EXOC7: variants seen among roughly 807,000 people sequenced by gnomAD.
EXOC7 encodes the protein exocyst complex component Exo70.
In EXOC7, 51 loss-of-function variants were observed where a neutral mutation model predicts 87.6. The ratio of observed to expected loss-of-function variants is 0.58; its 90% CI spans 0.46 to 0.73. EXOC7 has a LOEUF of 0.73. Ranked by LOEUF, EXOC7 falls within the 30% of genes least tolerant of loss-of-function variation. The pLI is 0.00. For synonymous variants in EXOC7, 327 were observed against 357.1 expected (o/e 0.92, Z 0.95); for missense variants, 744 against 888.4 (o/e 0.84, Z 2.07).
rs375241720 is a variant in EXOC7, at chr17:76,091,842, C to T, written c.809-607G>A. ...ACCAGAGTTCCCCAAACCACCAAAG[C>T]GACAAGAAAAAATCCAAAAGTCAAG... On this transcript the variant is annotated intron_variant, in intron 6 of 18. Coordinates refer to ENST00000589210, the MANE Select transcript of EXOC7 (RefSeq NM_001013839.4). Among the ~76,000 whole-genome samples, 294 of 152,180 alleles carry T rather than the reference C, an allele frequency of 1.9e-3. 5 individuals are homozygous for T. Among genetic ancestry groups the T allele is most frequent in the African/African-American group, 7.0e-3 (289 of 41,514 alleles).
Position 76,089,277 on chromosome 17 carries a change from G to A in EXOC7, c.945C>T (p.His315=), listed in dbSNP as rs1263810183. 6.2e-7 allele frequency: 1 copy of A among 1,614,028 alleles called. No homozygotes were observed. The highest frequency in any genetic ancestry group is 8.5e-7 in the Non-Finnish European group (1 of 1,180,008). Residue 315 remains histidine (H), a synonymous_variant, in exon 8 of 19, where the codon CAC becomes CAT. Coordinates refer to ENST00000589210, the MANE Select transcript of EXOC7 (RefSeq NM_001013839.4). ...CCAGCTTGACGAAGGCACTGACGCA[G>A]TGGATGTAGGCATCGGTCTCCACGT... is the stretch of plus-strand genomic sequence containing the variant. ...MLDVETDAYI[H]CVSAFVKLAQ... is the part of the protein sequence containing the mutation.
At chr17:76,094,361 C>A (rs2144660565) in intron 6 of EXOC7, 53 bp downstream of exon 6, 3 of 1,566,554 alleles carry the variant, frequency 1.9e-6, no homozygotes, top group South Asian at 1.2e-5. Flanking sequence ...TAAAGCAGTA[C>A]AGTCCCAGTC....
At chr17:76,102,987 T>C (rs2068147518) in intron 2 of EXOC7, 1 of 206,072 alleles carries the variant, frequency 4.9e-6, no homozygotes, top group Non-Finnish European at 1.0e-5. Flanking sequence ...GGCTGAGTCT[T>C]CTCTGCCCTC....
chr17:76,084,407 A>C (rs937663526), intron 16 of EXOC7, 110 bp downstream of exon 16: 1 of 1,560,366 alleles, frequency 6.4e-7, no homozygotes, highest in Non-Finnish European at 8.8e-7. Context: ...GGCCACATGC[A>C]TCCTTTGCTC....
At chr17:76,101,220 G>A (rs758015527) in intron 4 of EXOC7, 51 bp downstream of exon 4, 1 of 1,613,926 alleles carries the variant, frequency 6.2e-7, no homozygotes, top group Non-Finnish European at 8.5e-7. Flanking sequence ...ATGAGACCAG[G>A]GCAGAGACTG....
rs1258215863 is a variant in EXOC7 at position 76,084,934 on chromosome 17, G to A, written c.1713-354C>T. 2.6e-5 allele frequency among the ~76,000 whole-genome samples: 4 copies of A among 152,174 alleles called. No homozygotes were observed. In the East Asian group the frequency reaches 7.7e-4, roughly 29 times the overall value. ...GACACATTCAAAGGGAAGAAACAAA[G>A]CCAGGAAGAAAGAGGACCAGAGAAG... On this transcript the variant is annotated intron_variant, in intron 15 of 18. Transcript: ENST00000589210.
intron 3 of EXOC7, 145 bp downstream of exon 3, chr17:76,101,534 T>C (rs2068061913): frequency 3.7e-6 from 5 of 1,341,704 alleles, no homozygotes; most frequent in Non-Finnish European, 5.1e-6. Flanking sequence ...AAAAGGCGTC[T>C]CACTGTGTTG....
chr17:76,083,633 G>C lies in EXOC7; in HGVS notation c.*15C>G. On this transcript the variant is annotated 3_prime_UTR_variant, in exon 19 of 19. Transcript: ENST00000589210. ...CACGCCAGTCTGGTGGAACCAGGCA[G>C]GGCTAGCAGCAGGCTCAGGCAGAGG... The C allele has an allele frequency of 6.2e-7, 1 of 1,612,842 alleles. No homozygotes were observed. The highest frequency in any genetic ancestry group is 8.5e-7 in the Non-Finnish European group (1 of 1,179,042).
In EXOC7 at chr17:76,084,157, G is replaced by C. The variant is rs374492490; in HGVS notation, c.1819-18C>G. 20 of 1,592,802 alleles carry C rather than the reference G, an allele frequency of 1.3e-5. No individual in the cohort carries two copies. The African/African-American group carries it at 2.6e-4, about 20-fold the overall frequency. ...TTGAAGCCCTGGCCACCAAAAAGGT[G>C]AAAAAGGAAGGCACCCAGAGACAAA... On this transcript the variant is annotated intron_variant, in intron 17 of 18. Transcript: ENST00000589210.
rs2067017712 is a variant in EXOC7 at position 76,082,346 on chromosome 17, T to A, written c.*1302A>T. 8.6e-7 allele frequency: 1 copy of A among 1,157,612 alleles called. No homozygotes were observed. The highest frequency in any genetic ancestry group is 1.6e-5 in the African/African-American group (1 of 64,400). The allele number at this position is 1,157,612 out of a possible 1,614,324, so 71.7% of individuals were successfully genotyped here. Reference sequence around the variant, plus strand: ...GAAATGGGCCAGACCCAAATTTTCATCAGCTGAGAATCTAAGAAAGGAAGC... The same window carrying A: ...GAAATGGGCCAGACCCAAATTTTCAACAGCTGAGAATCTAAGAAAGGAAGC... On this transcript the variant is annotated 3_prime_UTR_variant, in exon 19 of 19. Transcript: ENST00000589210.
chr17:76,082,763 A>G lies in EXOC7; in HGVS notation c.*885T>C. On this transcript the variant is annotated 3_prime_UTR_variant, in exon 19 of 19. Coordinates refer to ENST00000589210, the MANE Select transcript of EXOC7 (RefSeq NM_001013839.4). ...AGCCACCCTGAGCTCTCCCTCCGCT[A>G]GCACACAAGCACAGAGCGTGAAATA... 1 of 1,033,280 alleles carries G rather than the reference A, an allele frequency of 9.7e-7. No individual in the cohort carries two copies. Among genetic ancestry groups the G allele is most frequent in the Non-Finnish European group, 1.4e-6 (1 of 737,912 alleles). The allele number at this position is 1,033,280 out of a possible 1,614,324, so 64.0% of individuals were successfully genotyped here.
chr17:76,097,397 G>A (rs2067814779), intron 5 of EXOC7, among the ~76,000 whole-genome samples: 1 of 152,006 alleles, frequency 6.6e-6, no homozygotes, highest in Non-Finnish European at 1.5e-5. Context: ...AAAAAACCAT[G>A]ACAGGTGGAT....
In EXOC7 at chr17:76,082,008, A is replaced by G. The variant is rs754846592; in HGVS notation, c.*1640T>C. On this transcript the variant is annotated 3_prime_UTR_variant, in exon 19 of 19. Coordinates refer to ENST00000589210, the MANE Select transcript of EXOC7 (RefSeq NM_001013839.4). ...GGCCCCAGCCCAGCCCCGAGAGGGG[A>G]ACAGCGAGAGCACGGCAACCCAGGG... 6.2e-7 allele frequency: 1 copy of G among 1,611,346 alleles called. No homozygotes were observed. Among genetic ancestry groups the G allele is most frequent in the Non-Finnish European group, 8.5e-7 (1 of 1,179,472 alleles).
In EXOC7 at chr17:76,098,207, G is replaced by C. The variant is rs571343284; in HGVS notation, c.418-189C>G. The C allele has an allele frequency of 1.0e-4, 58 of 561,010 alleles. No individual in the cohort carries two copies. The East Asian group carries it at 1.7e-3, about 17-fold the overall frequency. 34.8% of individuals were successfully genotyped at this position (561,010 alleles called of 1,614,324 possible). On this transcript the variant is annotated intron_variant, in intron 4 of 18. Transcript: ENST00000589210. Reference sequence around the variant, plus strand: ...GCTGGAGTGCAGTGACACAATCTTGGCTCACTGCAACCTCCGACTTCCTGG... The same window carrying C: ...GCTGGAGTGCAGTGACACAATCTTGCCTCACTGCAACCTCCGACTTCCTGG...
At chr17:76,087,628 G>C (rs1225407882) in intron 12 of EXOC7, 26 bp downstream of exon 12, 1 of 1,548,938 alleles carries the variant, frequency 6.5e-7, no homozygotes, top group Non-Finnish European at 8.7e-7. Flanking sequence ...AGTGGGGCAG[G>C]GGGCCCAACT....
In EXOC7 at chr17:76,103,363, T is replaced by A. The variant is rs776365753; in HGVS notation, c.124A>T (p.Met42Leu). Residue 42 changes from methionine to leucine, a missense_variant and splice_region_variant, in exon 2 of 19, where the codon ATG becomes TTG. Transcript: ENST00000589210. ...LEKSDQLTKN[M>L]VSILSSFESR... Reference sequence around the variant, plus strand: ...CCCCCAGCTGCGGGGAGACTCACCATGTTCTTAGTGAGCTGGTCGCTCTTC... The same window carrying A: ...CCCCCAGCTGCGGGGAGACTCACCAAGTTCTTAGTGAGCTGGTCGCTCTTC... 10 of 1,599,550 alleles carry A rather than the reference T, an allele frequency of 6.3e-6. No individual in the cohort carries two copies. In the Admixed American group the frequency reaches 1.5e-4, roughly 25 times the overall value.
chr17:76,090,438 C>T, intron 7 of EXOC7: 6 of 1,551,668 alleles, frequency 3.9e-6, no homozygotes, highest in Non-Finnish European at 4.4e-6. Flanking sequence ...CAGCGTTTAT[C>T]CAGGGGCCAG....
rs527342775 is a variant in EXOC7 at position 76,090,993 on chromosome 17, TG to T, written c.901+149del. ...GCTGCGAAACTGTCCCTGTGCCCGC[TG>T]AAGCCCGAGTGGCATCGGGGACCTG... On this transcript the variant is annotated intron_variant, in intron 7 of 18. Transcript: ENST00000589210. The T allele has an allele frequency of 7.4e-3, 5,292 of 711,434 alleles. 29 individuals are homozygous for T. The highest frequency in any genetic ancestry group is 9.4e-3 in the Non-Finnish European group (3,691 of 394,642). 44.1% of individuals were successfully genotyped at this position (711,434 alleles called of 1,614,324 possible). A position where few individuals can be genotyped will look rare whatever the true frequency, so the allele number is the denominator to read the frequency against.
chr17:76,100,889 G>A (rs569347596), intron 4 of EXOC7: 1 of 153,560 alleles, frequency 6.5e-6, no homozygotes, highest in South Asian at 2.1e-4. Context: ...GCTGAGGTGG[G>A]AGAATCACAT....
Sources: gnomAD v4.1 joint callset for allele counts (sites outside exome capture counted in the v4.1 genomes callset) on GRCh38, gnomAD v4.1.1 for gene constraint, MANE v1.5 for transcripts, NCBI Gene and HGNC (gene_info 2026-07-23, HGNC 2026-07-21) for gene names.